RTF1: variants seen among roughly 807,000 people sequenced by gnomAD.
RTF1 encodes RTF1 homolog, Paf1/RNA polymerase II complex component, also known as RNA polymerase-associated protein RTF1 homolog.
In RTF1, 10 loss-of-function variants were observed where a neutral mutation model predicts 95.7. The observed-to-expected ratio is 0.10, with a 90% CI of 0.06 to 0.18. The LOEUF (loss-of-function observed/expected upper bound fraction) is 0.18. RTF1 is among the 10% of genes least tolerant of loss of function. RTF1 has a pLI of 1.00. For synonymous variants in RTF1, 305 were observed against 311.8 expected, an observed-to-expected ratio of 0.98 and a Z score of 0.23; for missense variants, 458 against 875.6, an observed-to-expected ratio of 0.52 and a Z score of 6.02.
intron 1 of RTF1, among the ~76,000 whole-genome samples, chr15:41,437,445 G>A (rs997487938): frequency 3.3e-5 from 5 of 151,846 alleles, no homozygotes; most frequent in African/African-American, 1.2e-4. Context: ...GTAGTAAGCC[G>A]AGGTCGCACC....
At chr15:41,426,186 C>T (rs2050628350) in intron 1 of RTF1, among the ~76,000 whole-genome samples, 2 of 152,102 alleles carry the variant, frequency 1.3e-5, no homozygotes, top group South Asian at 2.1e-4. Context: ...AGTGCAGTGA[C>T]ACCATCTTGG....
At chr15:41,479,778 G>A (rs527267515) in intron 16 of RTF1, among the ~76,000 whole-genome samples, 7 of 151,444 alleles carry the variant, frequency 4.6e-5, no homozygotes, top group African/African-American at 7.3e-5. Context: ...CAGGAAAATC[G>A]CGTGAACCTG....
intron 8 of RTF1, among the ~76,000 whole-genome samples, chr15:41,472,597 C>A (rs564951225): frequency 9.9e-5 from 15 of 152,256 alleles, no homozygotes; most frequent in Admixed American, 9.2e-4. Flanking sequence ...TGGCTCACTG[C>A]AGCCTCTGCC....
At chr15:41,417,444 C>G in intron 1 of RTF1, 131 bp downstream of exon 1, 1 of 739,274 alleles carries the variant, frequency 1.4e-6, no homozygotes, top group Non-Finnish European at 1.9e-6. Flanking sequence ...GGCACCACTA[C>G]AGCCCCTTTC....
chr15:41,431,534 AGTGTCTT>A (rs1319900200), intron 1 of RTF1, among the ~76,000 whole-genome samples: 2 of 151,788 alleles, frequency 1.3e-5, no homozygotes, highest in Non-Finnish European at 2.9e-5. Flanking sequence ...TTTTTAAGGC[AGTGTCTT>A]GCTCTATTTC....
In RTF1 at chr15:41,482,220, G is replaced by A. The variant is rs2050980516; in HGVS notation, c.*1533G>A. ...TGTCTTTATGAAATGTTTGAAAAGA[G>A]ATAAACTGACTGCTTGATAATCACT... On this transcript the variant is annotated 3_prime_UTR_variant, in exon 18 of 18. Transcript: ENST00000389629. The A allele has an allele frequency of 6.5e-6, 1 of 152,684 alleles. No individual in the cohort carries two copies. Among genetic ancestry groups the A allele is most frequent in the South Asian group, 2.1e-4 (1 of 4,836 alleles). The allele number at this position is 152,684 out of a possible 1,614,324, so 9.5% of individuals were successfully genotyped here.
chr15:41,425,761 T>A, intron 1 of RTF1, among the ~76,000 whole-genome samples: 1 of 152,146 alleles, frequency 6.6e-6, no homozygotes, highest in Non-Finnish European at 1.5e-5. Context: ...GTGGAATTGG[T>A]TGGACATGAT....
chr15:41,443,371 C>T (rs893166871), intron 2 of RTF1, among the ~76,000 whole-genome samples: 2 of 151,980 alleles, frequency 1.3e-5, no homozygotes, highest in African/African-American at 4.8e-5. Flanking sequence ...GAATTATTCT[C>T]GATATCTGGA....
At chr15:41,476,365 G>A (rs2050941875) in intron 11 of RTF1, 81 bp from the exon 12 acceptor site, 2 of 1,080,404 alleles carry the variant, frequency 1.9e-6, no homozygotes, top group Non-Finnish European at 2.9e-6. Context: ...CTAGCTGTTT[G>A]CATCCAAAAT....
intron 1 of RTF1, among the ~76,000 whole-genome samples, chr15:41,429,016 C>T (rs1310892205): frequency 1.3e-5 from 2 of 152,108 alleles, no homozygotes; most frequent in African/African-American, 4.8e-5. Flanking sequence ...GGATTACAGG[C>T]GTGAGCCACC....
intron 1 of RTF1, among the ~76,000 whole-genome samples, chr15:41,434,828 T>C (rs1038104125): frequency 3.3e-5 from 5 of 151,830 alleles, no homozygotes; most frequent in African/African-American, 7.3e-5. Context: ...GGAGTTTCAC[T>C]ATGTTGGCCA....
intron 4 of RTF1, among the ~76,000 whole-genome samples, chr15:41,463,649 T>G (rs896253003): frequency 1.2e-4 from 19 of 152,010 alleles, no homozygotes; most frequent in Non-Finnish European, 2.4e-4. Flanking sequence ...GTCCAGCCAA[T>G]TTTTAAAATT....
chr15:41,428,727 C>T (rs933502899), intron 1 of RTF1, among the ~76,000 whole-genome samples: 1 of 151,728 alleles, frequency 6.6e-6, no homozygotes, highest in African/African-American at 2.4e-5. Context: ...TGTGTGCCAC[C>T]ATGCCCAGCT....
chr15:41,448,352 A>T (rs180777184), intron 2 of RTF1, among the ~76,000 whole-genome samples: 57 of 152,144 alleles, frequency 3.7e-4, no homozygotes, highest in African/African-American at 1.2e-3. Flanking sequence ...ACAGGTGATT[A>T]AAAAAATAAA....
rs1566851802 is a variant in RTF1 at position 41,481,316 on chromosome 15, A to G, written c.*629A>G. 6.6e-6 allele frequency: 1 copy of G among 150,430 alleles called. No homozygotes were observed. Among genetic ancestry groups the G allele is most frequent in the Non-Finnish European group, 1.5e-5 (1 of 67,864 alleles). The allele number at this position is 150,430 out of a possible 1,614,324, so 9.3% of individuals were successfully genotyped here. A position where few individuals can be genotyped will look rare whatever the true frequency, so the allele number is the denominator to read the frequency against. The stretch of plus-strand genomic sequence containing the variant: ...GTGTAAGTGTGTGGATTTTTTTATC[A>G]TTTTTTTAAAATGCAGTACTCTTTG... On this transcript the variant is annotated 3_prime_UTR_variant, in exon 18 of 18. Transcript: ENST00000389629.
chr15:41,455,946 C>T (rs918901070), intron 3 of RTF1, among the ~76,000 whole-genome samples: 1 of 152,054 alleles, frequency 6.6e-6, no homozygotes, highest in African/African-American at 2.4e-5. Flanking sequence ...GGTGCGGCGG[C>T]TCACACCTGT....
rs1441899762 is a variant in RTF1, at chr15:41,482,521, T to C, written c.*1834T>C. On this transcript the variant is annotated 3_prime_UTR_variant, in exon 18 of 18. Transcript: ENST00000389629. ...GTTTAGTAGAGCCTCAGTGTCGCTT[T>C]AACTTAGTTTACTTTTTTTTTATTT... is the stretch of plus-strand genomic sequence containing the variant. The C allele has an allele frequency of 1.4e-4, 22 of 152,420 alleles. No individual in the cohort carries two copies. The highest frequency in any genetic ancestry group is 1.4e-3 in the Admixed American group (22 of 15,278). The allele number at this position is 152,420 out of a possible 1,614,324, so 9.4% of individuals were successfully genotyped here.
At chr15:41,457,596 T>A in intron 3 of RTF1, 76 bp from the exon 4 acceptor site, 1 of 1,217,710 alleles carries the variant, frequency 8.2e-7, no homozygotes, top group Non-Finnish European at 1.2e-6. Context: ...AAGGGTGATG[T>A]TGTCAACATT....
Position 41,468,464 on chromosome 15 carries a change from C to T in RTF1, c.890-1793C>T, listed in dbSNP as rs1595438327. ...TCCTGAGTAGCTGGGACTACAGGCACCTGCCACCACGCCCAGCTAATTTTT... is the reference window on the plus strand; with the variant it reads ...TCCTGAGTAGCTGGGACTACAGGCATCTGCCACCACGCCCAGCTAATTTTT... On this transcript the variant is annotated intron_variant, in intron 6 of 17. Transcript: ENST00000389629. Among the ~76,000 whole-genome samples, 4 of 152,024 alleles carry T rather than the reference C, an allele frequency of 2.6e-5. 1 individual carries two copies. The South Asian group carries it at 8.3e-4, about 32-fold the overall frequency.
Sources: gnomAD v4.1 joint callset for allele counts (sites outside exome capture counted in the v4.1 genomes callset) on GRCh38, gnomAD v4.1.1 for gene constraint, MANE v1.5 for transcripts, NCBI Gene and HGNC (gene_info 2026-07-23, HGNC 2026-07-21) for gene names.